Variants in RUNX2 observed in about 807,000 individuals in gnomAD.
RUNX2 encodes the protein runt-related transcription factor 2.
In RUNX2, 10 loss-of-function variants were observed where a neutral mutation model predicts 51.7. The observed-to-expected ratio is 0.19, with a 90% CI of 0.12 to 0.33. The LOEUF (loss-of-function observed/expected upper bound fraction) is 0.33. Among genes scored for constraint, RUNX2 ranks in the 10% least tolerant of loss-of-function variants. The pLI is 1.00. For synonymous variants in RUNX2, 276 were observed against 273.6 expected (o/e 1.01, Z -0.09); for missense variants, 562 against 691.3 (o/e 0.81, Z 2.10).
At chr6:45,393,728 C>T (rs550719412) in intron 2 of RUNX2, among the ~76,000 whole-genome samples, 3 of 151,630 alleles carry the variant, frequency 2.0e-5, no homozygotes, top group Non-Finnish European at 2.9e-5. Flanking sequence ...GCACCCAGCC[C>T]GGTAAAGGAA....
At chr6:45,523,130 T>A (rs755191859) in intron 7 of RUNX2, among the ~76,000 whole-genome samples, 43 of 152,196 alleles carry the variant, frequency 2.8e-4, no homozygotes, top group Non-Finnish European at 5.3e-4. Context: ...TCATACTTTT[T>A]TCAGGAAAAA....
intron 2 of RUNX2, among the ~76,000 whole-genome samples, chr6:45,336,046 T>C (rs187541934): frequency 1.3e-5 from 2 of 151,480 alleles, no homozygotes; most frequent in Admixed American, 1.3e-4. Context: ...TGATCATTAA[T>C]CCAACCTCCT....
At chr6:45,495,267 T>C (rs1800613548) in intron 6 of RUNX2, among the ~76,000 whole-genome samples, 1 of 152,254 alleles carries the variant, frequency 6.6e-6, no homozygotes. Flanking sequence ...TCATTAAATA[T>C]GAATTATTGA....
chr6:45,407,119 C>T (rs1022107024), intron 2 of RUNX2, among the ~76,000 whole-genome samples: 1 of 152,124 alleles, frequency 6.6e-6, no homozygotes, highest in Non-Finnish European at 1.5e-5. Flanking sequence ...GTTTTATTTA[C>T]TATTAATATT....
intron 2 of RUNX2, among the ~76,000 whole-genome samples, chr6:45,362,700 T>C (rs1357240991): frequency 6.6e-6 from 1 of 152,188 alleles, no homozygotes; most frequent in Non-Finnish European, 1.5e-5. Context: ...AGGTCTGAAA[T>C]AGAAGGAAAA....
intron 2 of RUNX2, among the ~76,000 whole-genome samples, chr6:45,407,826 T>C (rs925258092): frequency 1.2e-4 from 18 of 152,178 alleles, no homozygotes; most frequent in African/African-American, 3.6e-4. Flanking sequence ...TGGTGTATTT[T>C]TTTTTTGCTT....
chr6:45,454,506 A>T (rs1242472788), intron 5 of RUNX2, among the ~76,000 whole-genome samples: 2 of 152,220 alleles, frequency 1.3e-5, no homozygotes, highest in African/African-American at 4.8e-5. Context: ...AGGATGAGTC[A>T]TCTCTTAGCT....
chr6:45,527,259 G>A (rs1252392948), intron 7 of RUNX2, among the ~76,000 whole-genome samples: 1 of 152,286 alleles, frequency 6.6e-6, no homozygotes, highest in Admixed American at 6.5e-5. Flanking sequence ...GTTATGCAGG[G>A]CCACTACAGG....
intron 5 of RUNX2, among the ~76,000 whole-genome samples, chr6:45,485,637 A>G (rs1424076265): frequency 4.0e-5 from 6 of 149,738 alleles, no homozygotes; most frequent in Non-Finnish European, 8.9e-5. Context: ...ACACACATAT[A>G]TAGATAAGCG....
intron 2 of RUNX2, among the ~76,000 whole-genome samples, chr6:45,395,490 G>A (rs1484090984): frequency 8.5e-5 from 13 of 152,118 alleles, no homozygotes; most frequent in Admixed American, 8.5e-4. Flanking sequence ...TAAAATGAGA[G>A]TAATACAAAT....
intron 5 of RUNX2, among the ~76,000 whole-genome samples, chr6:45,471,546 G>A (rs557284531): frequency 1.3e-5 from 2 of 151,366 alleles, no homozygotes; most frequent in South Asian, 4.2e-4. Flanking sequence ...CCAGGTTCAT[G>A]CCATTCTCCT....
At chr6:45,383,857 A>G (rs1449871505) in intron 2 of RUNX2, among the ~76,000 whole-genome samples, 1 of 152,204 alleles carries the variant, frequency 6.6e-6, no homozygotes, top group Non-Finnish European at 1.5e-5. Flanking sequence ...TTCCTACTTC[A>G]CATTCTGAAG....
At chr6:45,448,961 C>G (rs1485039993) in intron 5 of RUNX2, among the ~76,000 whole-genome samples, 1 of 152,094 alleles carries the variant, frequency 6.6e-6, no homozygotes. Context: ...GTTACTAATT[C>G]TAGAGCTTTG....
At chr6:45,363,017 ATTT>A (rs1794535385) in intron 2 of RUNX2, among the ~76,000 whole-genome samples, 1 of 151,652 alleles carries the variant, frequency 6.6e-6, no homozygotes, top group African/African-American at 2.4e-5. Flanking sequence ...TAGGTTTTTT[ATTT>A]TTATTTTTAA....
At chr6:45,398,828 G>C (rs893267242) in intron 2 of RUNX2, among the ~76,000 whole-genome samples, 8 of 152,130 alleles carry the variant, frequency 5.3e-5, no homozygotes, top group Non-Finnish European at 8.8e-5. Flanking sequence ...TAAGAAAGTA[G>C]GTATTATTGG....
At chr6:45,485,697 G>GTATA (rs10677574) in intron 5 of RUNX2, among the ~76,000 whole-genome samples, 66 of 104,056 alleles carry the variant, frequency 6.3e-4, no homozygotes, top group South Asian at 1.8e-3. Context: ...GTGTGTGTGT[G>GTATA]TATATATATA....
At chr6:45,380,859 G>GCCA (rs1384521348) in intron 2 of RUNX2, among the ~76,000 whole-genome samples, 1 of 152,202 alleles carries the variant, frequency 6.6e-6, no homozygotes, top group Non-Finnish European at 1.5e-5. Flanking sequence ...ACAGGTGTCA[G>GCCA]CCACCGCACC....
chr6:45,538,054 C>A (rs1258657308), intron 7 of RUNX2, among the ~76,000 whole-genome samples: 1 of 151,994 alleles, frequency 6.6e-6, no homozygotes, highest in African/African-American at 2.4e-5. Context: ...CTTTAAAAAC[C>A]CTTCTCCATT....
intron 2 of RUNX2, chr6:45,371,986 C>A: frequency 1.1e-6 from 1 of 878,670 alleles, no homozygotes; most frequent in Non-Finnish European, 1.4e-6. Context: ...CCCCCGACAC[C>A]TGGTCCAGAG....
Sources: gnomAD v4.1 joint callset for allele counts (sites outside exome capture counted in the v4.1 genomes callset) on GRCh38, gnomAD v4.1.1 for gene constraint, MANE v1.5 for transcripts, NCBI Gene and HGNC (gene_info 2026-07-23, HGNC 2026-07-21) for gene names.